PTPRK: variants seen among roughly 807,000 people sequenced by gnomAD.
PTPRK encodes receptor-type tyrosine-protein phosphatase kappa.
Under a neutral mutation model 178.0 loss-of-function variants are expected in PTPRK, and 75 were observed. The ratio of observed to expected loss-of-function variants is 0.42; its 90% CI spans 0.35 to 0.51. PTPRK has a LOEUF of 0.51. Among genes scored for constraint, PTPRK ranks in the 20% least tolerant of loss-of-function variants. PTPRK has a pLI of 0.02. For missense variants in PTPRK, 1,441 were observed against 1,797.8 expected (o/e 0.80, Z 3.59); for synonymous variants, 637 against 620.6 (o/e 1.03, Z -0.39).
intron 13 of PTPRK, among the ~76,000 whole-genome samples, chr6:128,051,183 G>T (rs912764255): frequency 6.6e-6 from 1 of 152,060 alleles, no homozygotes; most frequent in Non-Finnish European, 1.5e-5. Context: ...ACTTCCTCTA[G>T]AAATGTATTC....
chr6:128,201,001 T>C (rs1456508112), intron 6 of PTPRK, among the ~76,000 whole-genome samples: 1 of 151,574 alleles, frequency 6.6e-6, no homozygotes, highest in Non-Finnish European at 1.5e-5. Flanking sequence ...TAAAAGATCC[T>C]ACCTTACTGA....
At chr6:128,193,438 A>C (rs936573382) in intron 6 of PTPRK, among the ~76,000 whole-genome samples, 3 of 152,086 alleles carry the variant, frequency 2.0e-5, no homozygotes, top group African/African-American at 7.2e-5. Context: ...AATACACAAG[A>C]TCAATAAGAA....
At chr6:128,412,237 C>A (rs927519668) in intron 1 of PTPRK, among the ~76,000 whole-genome samples, 1 of 152,142 alleles carries the variant, frequency 6.6e-6, no homozygotes, top group Non-Finnish European at 1.5e-5. Flanking sequence ...GGCAGAGTGG[C>A]GACAAGCCAG....
chr6:128,278,688 ATAT>A (rs1490928996), intron 3 of PTPRK, among the ~76,000 whole-genome samples: 3 of 152,192 alleles, frequency 2.0e-5, no homozygotes, highest in African/African-American at 7.2e-5. Context: ...TTATTATTTA[ATAT>A]TATTATCAAA....
chr6:128,055,021 AAAG>A (rs1779662099), intron 13 of PTPRK, among the ~76,000 whole-genome samples: 1 of 152,228 alleles, frequency 6.6e-6, no homozygotes, highest in African/African-American at 2.4e-5. Flanking sequence ...TTGATTTAAT[AAAG>A]AAATAAATAA....
At position 127,970,098 on chromosome 6, in the gene PTPRK, C is replaced by T; in HGVS notation, c.*129G>A. ...AACTTCATAAAAAAAATACTTTTACCTCTCAAATGTAAAAGTCTCCCACCC... is the reference window on the plus strand; with the variant it reads ...AACTTCATAAAAAAAATACTTTTACTTCTCAAATGTAAAAGTCTCCCACCC... On this transcript the variant is annotated 3_prime_UTR_variant, in exon 30 of 30. Coordinates refer to ENST00000368226, the MANE Select transcript of PTPRK (RefSeq NM_002844.4). 3.4e-6 allele frequency: 2 copies of T among 585,966 alleles called. No individual in the cohort carries two copies. Among genetic ancestry groups the T allele is most frequent in the Non-Finnish European group, 5.8e-6 (2 of 345,894 alleles). 36.3% of individuals were successfully genotyped at this position (585,966 alleles called of 1,614,324 possible).
intron 1 of PTPRK, among the ~76,000 whole-genome samples, chr6:128,477,998 A>T (rs548478972): frequency 6.6e-6 from 1 of 152,244 alleles, no homozygotes; most frequent in East Asian, 1.9e-4. Context: ...GTAAAGATAC[A>T]ATTTAAGTAT....
At chr6:128,512,791 T>C (rs904963230) in intron 1 of PTPRK, among the ~76,000 whole-genome samples, 1 of 152,210 alleles carries the variant, frequency 6.6e-6, no homozygotes, top group Non-Finnish European at 1.5e-5. Context: ...ACACCAGTTA[T>C]ATTTAATGCA....
intron 13 of PTPRK, among the ~76,000 whole-genome samples, chr6:128,035,281 G>A (rs571744596): frequency 2.6e-5 from 4 of 152,230 alleles, no homozygotes; most frequent in East Asian, 1.9e-4. Flanking sequence ...TGGGAGAATC[G>A]CTTGAAACTG....
chr6:128,111,018 G>C (rs1191045006), intron 7 of PTPRK, among the ~76,000 whole-genome samples: 1 of 152,100 alleles, frequency 6.6e-6, no homozygotes, highest in Non-Finnish European at 1.5e-5. Context: ...CAGTTCAAAT[G>C]ACACAATTGT....
intron 1 of PTPRK, among the ~76,000 whole-genome samples, chr6:128,481,531 C>G (rs1022580712): frequency 6.6e-6 from 1 of 152,060 alleles, no homozygotes; most frequent in African/African-American, 2.4e-5. Context: ...ATAATGATGT[C>G]TGTTTCCCCA....
intron 22 of PTPRK, among the ~76,000 whole-genome samples, chr6:127,985,260 T>TA (rs550556299): frequency 6.6e-6 from 1 of 152,106 alleles, no homozygotes; most frequent in Non-Finnish European, 1.5e-5. Context: ...GTGAATTCTT[T>TA]AAAAAAAATT....
chr6:128,364,437 T>C (rs1220797009), intron 2 of PTPRK, among the ~76,000 whole-genome samples: 2 of 152,100 alleles, frequency 1.3e-5, no homozygotes, highest in African/African-American at 2.4e-5. Flanking sequence ...TTTTTACATA[T>C]AAAAACATAC....
Position 128,403,856 on chromosome 6 carries a change from T to C in PTPRK, c.101-6168A>G, listed in dbSNP as rs191642919. Among the ~76,000 whole-genome samples, 24 of 152,318 alleles carry C rather than the reference T, an allele frequency of 1.6e-4. No individual in the cohort carries two copies. The East Asian group carries it at 4.6e-3, about 29-fold the overall frequency. ...AGCGTAGGAGTCAGCAAACTTCATG[T>C]ACAAAAAGCAAGTTAGTAAATGTTT... On this transcript the variant is annotated intron_variant, in intron 1 of 29. Coordinates refer to ENST00000368226, the MANE Select transcript of PTPRK (RefSeq NM_002844.4).
In PTPRK at chr6:127,981,247, T is replaced by C. The variant is rs1222532615; in HGVS notation, c.3580A>G (p.Ser1194Gly). 8.7e-6 allele frequency: 14 copies of C among 1,613,966 alleles called. No homozygotes were observed. The highest frequency in any genetic ancestry group is 1.0e-5 in the Non-Finnish European group (12 of 1,179,952). The change falls in exon 25 of 30, where the codon AGT becomes GGT. Residue 1194 changes from serine (S) to glycine (G), a missense_variant. Physicochemically the swap from Ser to Gly is moderately conservative, Grantham distance 56 (BLOSUM62 0). Around this residue, in one of 4 missense-constraint regions of PTPRK, gnomAD observed 335 missense variants for 512.4 expected, o/e 0.65. Transcript: ENST00000368226. Reference protein sequence around the residue: ...VTPRLQAEDCSIACLPRNHDK... With the variant: ...VTPRLQAEDCGIACLPRNHDK... ...TGGTTCCTTGGCAGGCACGCTATAC[T>C]GCAGTCTTCAGCTTGTAGTCGAGGG...
At chr6:128,236,913 A>G (rs1001416529) in intron 5 of PTPRK, among the ~76,000 whole-genome samples, 1 of 152,122 alleles carries the variant, frequency 6.6e-6, no homozygotes, top group African/African-American at 2.4e-5. Context: ...GCATTATGAA[A>G]TTATCCTAGA....
chr6:128,396,159 T>C (rs1213967356), intron 2 of PTPRK, among the ~76,000 whole-genome samples: 1 of 151,722 alleles, frequency 6.6e-6, no homozygotes, highest in Non-Finnish European at 1.5e-5. Flanking sequence ...AATGGCTATG[T>C]CTAAAATTGT....
At chr6:128,079,523 T>A (rs59915725) in intron 10 of PTPRK, among the ~76,000 whole-genome samples, 2,101 of 152,174 alleles carry the variant, frequency 0.014, 43 homozygotes, top group African/African-American at 0.048. Flanking sequence ...ATAATTTTTT[T>A]AAATATTTGA....
intron 13 of PTPRK, 72 bp downstream of exon 13, chr6:128,064,686 G>C: frequency 2.0e-6 from 3 of 1,525,258 alleles, no homozygotes; most frequent in Non-Finnish European, 2.6e-6. Flanking sequence ...CCCTGAAGCA[G>C]GGAACAAAGT....
Sources: allele counts gnomAD v4.1 joint callset (sites outside exome capture counted in the v4.1 genomes callset), GRCh38; gene constraint gnomAD v4.1.1; regional missense constraint gnomAD v4.1.1; transcripts MANE v1.5; gene names NCBI Gene and HGNC (gene_info 2026-07-23, HGNC 2026-07-21).